The following WDR27 variants were observed in gnomAD, a reference collection of about 807,000 sequenced individuals.
WDR27 encodes the protein WD repeat domain 27.
A neutral mutation model predicts 114.4 loss-of-function variants in WDR27; 100 were observed. The ratio of observed to expected loss-of-function variants is 0.87; its 90% CI spans 0.74 to 1.03. WDR27 has a LOEUF of 1.03. Among genes scored for constraint, WDR27 ranks in the 50% least tolerant of loss-of-function variants. The pLI is 0.00. For synonymous variants in WDR27, 449 were observed against 423.1 expected (o/e 1.06, Z -0.75); for missense variants, 1,129 against 1,092.9 (o/e 1.03, Z -0.47).
chr6:169,501,571 T>C (rs548210164), intron 25 of WDR27, among the ~76,000 whole-genome samples: 31 of 152,348 alleles, frequency 2.0e-4, no homozygotes, highest in Non-Finnish European at 4.1e-4. Flanking sequence ...CAGTGAACTT[T>C]TGAACCAGCA....
intron 22 of WDR27, among the ~76,000 whole-genome samples, chr6:169,605,125 G>A (rs67824874): frequency 0.58 from 48,688 of 84,442 alleles, 14,522 homozygotes; most frequent in Non-Finnish European, 0.7. Context: ...AAAAAAAAAA[G>A]TTTTTTTTTT....
rs755122918 is a variant in WDR27 at position 169,638,684 on chromosome 6, T to G, written c.1748-24A>C. On this transcript the variant is annotated intron_variant, in intron 17 of 25. Coordinates refer to ENST00000448612, the MANE Select transcript of WDR27 (RefSeq NM_182552.5). ...ACCTAACAGGAATGACCACAGAAGGTTACTATTTCTACTATTAATATCAGT... is the reference window on the plus strand; with the variant it reads ...ACCTAACAGGAATGACCACAGAAGGGTACTATTTCTACTATTAATATCAGT... 13 of 1,582,204 alleles carry G rather than the reference T, an allele frequency of 8.2e-6. No individual in the cohort carries two copies. In the African/African-American group the frequency reaches 1.8e-4, roughly 21 times the overall value.
intron 25 of WDR27, among the ~76,000 whole-genome samples, chr6:169,483,508 T>A (rs767294478): frequency 6.6e-5 from 10 of 152,200 alleles, no homozygotes; most frequent in African/African-American, 9.7e-5. Flanking sequence ...TGAAATTGAA[T>A]TGGTAATAAA....
intron 2 of WDR27, among the ~76,000 whole-genome samples, chr6:169,676,945 C>G (rs549861549): frequency 6.6e-6 from 1 of 152,274 alleles, no homozygotes; most frequent in Admixed American, 6.5e-5. Flanking sequence ...TCTGGTCGCT[C>G]GTAGTTGACT....
intron 16 of WDR27, among the ~76,000 whole-genome samples, chr6:169,646,604 C>T (rs953805629): frequency 6.6e-5 from 10 of 152,026 alleles, no homozygotes; most frequent in Admixed American, 2.6e-4. Context: ...AAAAATTAGC[C>T]AGGCATGGTG....
the WDR27 span, among the ~76,000 whole-genome samples, chr6:169,428,608 A>AGGGGGGGGGTGGGGGGGGGGGGGGGGG: frequency 8.7e-6 from 1 of 114,470 alleles, no homozygotes; most frequent in Non-Finnish European, 1.8e-5. Context: ...GGCGGGGGGG[A>AGGGGGGGGGTGGGGGGGGGGGGGGGGG]GGGGGGGGTT....
At chr6:169,491,685 T>G (rs1241334184) in intron 25 of WDR27, among the ~76,000 whole-genome samples, 2 of 152,168 alleles carry the variant, frequency 1.3e-5, no homozygotes, top group Admixed American at 6.5e-5. Context: ...AACCCAGGGC[T>G]GGCAGGGCTC....
intron 23 of WDR27, among the ~76,000 whole-genome samples, chr6:169,597,113 T>C (rs1806948173): frequency 1.3e-5 from 2 of 152,176 alleles, no homozygotes; most frequent in African/African-American, 4.8e-5. Context: ...CAGCTTCATT[T>C]CCCATCCTGC....
At chr6:169,465,077 G>C (rs1041462404) in intron 25 of WDR27, among the ~76,000 whole-genome samples, 1 of 151,942 alleles carries the variant, frequency 6.6e-6, no homozygotes, top group Admixed American at 6.6e-5. Flanking sequence ...TGACCAACAT[G>C]GTGAAACCCC....
chr6:169,574,108 C>T (rs961669543), intron 24 of WDR27, among the ~76,000 whole-genome samples: 2 of 152,266 alleles, frequency 1.3e-5, no homozygotes, highest in Admixed American at 6.5e-5. Flanking sequence ...GCGCATGTGG[C>T]GCGCAGCTGC....
rs12204603 is a variant in WDR27, at chr6:169,624,275, T to C, written c.2223+8672A>G. Among the ~76,000 whole-genome samples the C allele has an allele frequency of 4.7e-5, 7 of 150,468 alleles. No homozygotes were observed. In the South Asian group the frequency reaches 6.4e-4, roughly 14 times the overall value. ...CAGGTGCGCAGTGTGTGGCGTGTGGTGTCAGGTGTGTGGCGTCAGGTGTGT... is the reference window on the plus strand; with the variant it reads ...CAGGTGCGCAGTGTGTGGCGTGTGGCGTCAGGTGTGTGGCGTCAGGTGTGT... On this transcript the variant is annotated intron_variant, in intron 21 of 25. Transcript: ENST00000448612.
At chr6:169,602,367 T>G in intron 22 of WDR27, 46 bp from the exon 23 acceptor site, 2 of 1,287,072 alleles carry the variant, frequency 1.6e-6, no homozygotes, top group Non-Finnish European at 1.1e-6. Flanking sequence ...TTTTAAAATT[T>G]GAATGCAAAT....
At chr6:169,676,945 C>T (rs549861549) in intron 2 of WDR27, among the ~76,000 whole-genome samples, 1 of 152,156 alleles carries the variant, frequency 6.6e-6, no homozygotes, top group East Asian at 1.9e-4. Flanking sequence ...TCTGGTCGCT[C>T]GTAGTTGACT....
intron 25 of WDR27, among the ~76,000 whole-genome samples, chr6:169,535,122 C>T (rs986096651): frequency 3.3e-5 from 5 of 152,112 alleles, no homozygotes; most frequent in Admixed American, 1.3e-4. Flanking sequence ...TGAACAAGCA[C>T]GTAATTTTCA....
At chr6:169,656,096 G>A (rs1824108357) in intron 13 of WDR27, among the ~76,000 whole-genome samples, 1 of 152,110 alleles carries the variant, frequency 6.6e-6, no homozygotes, top group African/African-American at 2.4e-5. Flanking sequence ...TCAGTCAGGT[G>A]GTCCCCCAGT....
chr6:169,489,255 C>T lies in WDR27; in HGVS notation c.2646-31621G>A, dbSNP rs140391908. 5.8e-4 allele frequency among the ~76,000 whole-genome samples: 88 copies of T among 152,272 alleles called. 2 individuals are homozygous for T. The East Asian group carries it at 0.015, about 26-fold the overall frequency. On this transcript the variant is annotated intron_variant, in intron 25 of 25. Coordinates refer to ENST00000448612, the MANE Select transcript of WDR27 (RefSeq NM_182552.5). ...CTCAACGTGCACACAGGCTGTAAGA[C>T]GAGACTCTTAACAGTGTCTCAAGCA...
intron 25 of WDR27, among the ~76,000 whole-genome samples, chr6:169,562,407 T>C (rs1189375152): frequency 1.3e-5 from 2 of 152,174 alleles, no homozygotes; most frequent in Admixed American, 6.5e-5. Flanking sequence ...CATGAATCAA[T>C]GACAAAAATC....
chr6:169,498,089 T>C (rs991777585), intron 25 of WDR27, among the ~76,000 whole-genome samples: 1 of 152,040 alleles, frequency 6.6e-6, no homozygotes, highest in Non-Finnish European at 1.5e-5. Context: ...AAAGGGAAAT[T>C]CTAATATATG....
the WDR27 span, among the ~76,000 whole-genome samples, chr6:169,441,608 C>T: frequency 3.9e-5 from 6 of 152,206 alleles, no homozygotes; most frequent in African/African-American, 7.2e-5. Context: ...GCCATTTTTA[C>T]GCAGGAGATG....
Sources: allele counts gnomAD v4.1 joint callset (sites outside exome capture counted in the v4.1 genomes callset), GRCh38; gene constraint gnomAD v4.1.1; transcripts MANE v1.5; gene names NCBI Gene and HGNC (gene_info 2026-07-23, HGNC 2026-07-21).